CPA6: variants seen among roughly 807,000 people sequenced by gnomAD.
CPA6 encodes carboxypeptidase A6.
In CPA6, 58 loss-of-function variants were observed where a neutral mutation model predicts 63.3. The observed-to-expected ratio is 0.92, with a 90% confidence interval of 0.74 to 1.14. The LOEUF (loss-of-function observed/expected upper bound fraction) is 1.14, where lower values mean the gene tolerates loss of function less well. CPA6 is among the 50% of genes most tolerant of loss of function. The probability of loss-of-function intolerance (pLI) is 0.00; values close to 1 mark genes in which losing one functional copy is unlikely to be tolerated. For missense variants in CPA6, 565 were observed against 526.6 expected (o/e 1.07, Z -0.71); for synonymous variants, 185 against 179.0 (o/e 1.03, Z -0.27).
At chr8:67,710,812 T>C (rs1350475662) in intron 1 of CPA6, among the ~76,000 whole-genome samples, 1 of 152,176 alleles carries the variant, frequency 6.6e-6, no homozygotes, top group Admixed American at 6.5e-5. Context: ...TTTAGGGGCT[T>C]AGGTCTCTCA....
chr8:67,538,779 C>T (rs1352745562), intron 2 of CPA6, among the ~76,000 whole-genome samples: 12 of 152,056 alleles, frequency 7.9e-5, no homozygotes, highest in Admixed American at 7.9e-4. Flanking sequence ...CCTGCCTCAG[C>T]CTCCCGAGTA....
chr8:67,738,479 A>C (rs1414667404), intron 1 of CPA6, among the ~76,000 whole-genome samples: 3 of 152,240 alleles, frequency 2.0e-5, no homozygotes, highest in Non-Finnish European at 4.4e-5. Context: ...ATGAGAGAGA[A>C]ATGGATTTGT....
At chr8:67,544,313 T>C (rs1199037505) in intron 2 of CPA6, among the ~76,000 whole-genome samples, 1 of 152,150 alleles carries the variant, frequency 6.6e-6, no homozygotes, top group Non-Finnish European at 1.5e-5. Context: ...GGTGTACCAA[T>C]TCATTGTTAC....
chr8:67,634,091 G>A (rs910056754), intron 1 of CPA6, among the ~76,000 whole-genome samples: 11 of 146,500 alleles, frequency 7.5e-5, no homozygotes, highest in Admixed American at 4.7e-4. Context: ...GACATCATTA[G>A]GGTGTTTTTC....
chr8:67,645,273 G>A (rs1815690044), intron 1 of CPA6, among the ~76,000 whole-genome samples: 1 of 152,150 alleles, frequency 6.6e-6, no homozygotes, highest in Non-Finnish European at 1.5e-5. Flanking sequence ...AGAGGAATGG[G>A]ACTTGATAAT....
At chr8:67,654,193 C>G (rs1184548786) in intron 1 of CPA6, among the ~76,000 whole-genome samples, 1 of 152,150 alleles carries the variant, frequency 6.6e-6, no homozygotes. Context: ...GGATATTGGT[C>G]TAAAATTCTC....
intron 6 of CPA6, among the ~76,000 whole-genome samples, chr8:67,499,315 A>G (rs535748220): frequency 6.6e-6 from 1 of 152,170 alleles, no homozygotes; most frequent in Non-Finnish European, 1.5e-5. Context: ...AGGATTACAC[A>G]GTAGGGAAGA....
At chr8:67,456,023 A>G (rs900859908) in intron 8 of CPA6, among the ~76,000 whole-genome samples, 4 of 152,166 alleles carry the variant, frequency 2.6e-5, no homozygotes, top group Admixed American at 2.0e-4. Flanking sequence ...GCTCAGCCCT[A>G]AGATTCTTTA....
At position 67,738,940 on chromosome 8, in the gene CPA6, C is replaced by CA. The variant is rs35191548; in HGVS notation, c.116+7073dup. ...TGTTCAGTCATTCCATTTACAAAGA[C>CA]AAAAAAAATAATACTTTTGTAGCTT... On this transcript the variant is annotated intron_variant, in intron 1 of 10. Transcript: ENST00000297770. Among the ~76,000 whole-genome samples, 7 of 151,926 alleles carry CA rather than the reference C, an allele frequency of 4.6e-5. No homozygotes were observed. In the East Asian group the frequency reaches 9.7e-4, roughly 21 times the overall value.
intron 2 of CPA6, among the ~76,000 whole-genome samples, chr8:67,604,506 C>T (rs1409864408): frequency 2.0e-5 from 3 of 152,192 alleles, no homozygotes; most frequent in Non-Finnish European, 4.4e-5. Flanking sequence ...CGTTTCCCTA[C>T]AACCATGACC....
intron 8 of CPA6, among the ~76,000 whole-genome samples, chr8:67,481,518 C>G (rs2128960927): frequency 6.6e-6 from 1 of 152,356 alleles, no homozygotes; most frequent in East Asian, 1.9e-4. Flanking sequence ...AGCATAACCA[C>G]TACCACACGG....
intron 1 of CPA6, among the ~76,000 whole-genome samples, chr8:67,713,141 T>TATA (rs1563404209): frequency 4.4e-5 from 3 of 68,904 alleles, no homozygotes; most frequent in Admixed American, 1.8e-4. Context: ...ATATATATAT[T>TATA]AACAGGGTTC....
At chr8:67,714,375 A>G (rs184681153) in intron 1 of CPA6, among the ~76,000 whole-genome samples, 401 of 152,324 alleles carry the variant, frequency 2.6e-3, no homozygotes, top group African/African-American at 9.3e-3. Flanking sequence ...GATTCCCCAA[A>G]GATCTTAGGG....
intron 6 of CPA6, among the ~76,000 whole-genome samples, chr8:67,487,989 C>T (rs1333065979): frequency 6.6e-6 from 1 of 152,078 alleles, no homozygotes; most frequent in Non-Finnish European, 1.5e-5. Context: ...AATTTTTCTC[C>T]CATTTTGTAG....
chr8:67,475,814 TTTCCTTTCTTTTCTTTCTTTC>T (rs1811179018), intron 8 of CPA6, among the ~76,000 whole-genome samples: 8 of 59,936 alleles, frequency 1.3e-4, no homozygotes, highest in African/African-American at 6.2e-4. Context: ...TCTTTCTTTC[TTTCCTTTCTTTTCTTTCTTTC>T]TTTCTTTCTT....
intron 2 of CPA6, among the ~76,000 whole-genome samples, chr8:67,543,753 C>A (rs1234514829): frequency 6.6e-6 from 1 of 151,034 alleles, no homozygotes; most frequent in Non-Finnish European, 1.5e-5. Context: ...CATCAAACAA[C>A]AATTCCCTTT....
At chr8:67,735,848 G>A (rs950487035) in intron 1 of CPA6, among the ~76,000 whole-genome samples, 3 of 152,104 alleles carry the variant, frequency 2.0e-5, no homozygotes, top group African/African-American at 7.2e-5. Flanking sequence ...TTACCTTTGG[G>A]AGAAATCAGA....
intron 2 of CPA6, among the ~76,000 whole-genome samples, chr8:67,568,689 C>A (rs904311958): frequency 9.9e-5 from 15 of 152,162 alleles, no homozygotes; most frequent in African/African-American, 3.6e-4. Flanking sequence ...AGAGACCTAA[C>A]CTATGCATAA....
intron 5 of CPA6, among the ~76,000 whole-genome samples, chr8:67,507,860 C>T (rs1811962024): frequency 6.6e-6 from 1 of 152,086 alleles, no homozygotes; most frequent in Non-Finnish European, 1.5e-5. Flanking sequence ...CCTCTCAATC[C>T]TGGAAGAGAA....
Sources: allele counts gnomAD v4.1 joint callset (sites outside exome capture counted in the v4.1 genomes callset), GRCh38; gene constraint gnomAD v4.1.1; transcripts MANE v1.5; gene names NCBI Gene and HGNC (gene_info 2026-07-23, HGNC 2026-07-21).